CNTN4: variants seen among roughly 807,000 people sequenced by gnomAD.
CNTN4 encodes contactin 4, also known as contactin-4.
CNTN4 carries 77 observed loss-of-function variants against 122.5 expected under a neutral mutation model. The ratio of observed to expected loss-of-function variants is 0.63; its 90% CI spans 0.52 to 0.76. CNTN4 has a LOEUF of 0.76. Among genes scored for constraint, CNTN4 ranks in the 30% least tolerant of loss-of-function variants. CNTN4 has a pLI of 0.00. For missense variants in CNTN4, 1,256 were observed against 1,259.1 expected (o/e 1.00, Z 0.04); for synonymous variants, 512 against 447.0 (o/e 1.15, Z -1.83).
rs908045658 is a variant in CNTN4, at chr3:2,717,626, A to C, written c.56-18589A>C. Among the ~76,000 whole-genome samples the C allele has an allele frequency of 3.9e-5, 6 of 152,192 alleles. 1 individual carries two copies. Among genetic ancestry groups the C allele is most frequent in the Non-Finnish European group, 8.8e-5 (6 of 68,034 alleles). On this transcript the variant is annotated intron_variant, in intron 4 of 24. Coordinates refer to ENST00000418658, the MANE Select transcript of CNTN4 (RefSeq NM_175607.3). ...GTCCTGTGAATCCTCCTAGTAAAAC[A>C]TCAAACCTGGGGTTGGTTTCGGGGA...
At chr3:2,204,514 A>G (rs2038248348) in intron 2 of CNTN4, among the ~76,000 whole-genome samples, 1 of 152,184 alleles carries the variant, frequency 6.6e-6, no homozygotes. Flanking sequence ...TTGGTTAAGC[A>G]AAGTAAAACT....
At chr3:2,309,458 A>G (rs1458279191) in intron 2 of CNTN4, among the ~76,000 whole-genome samples, 1 of 152,202 alleles carries the variant, frequency 6.6e-6, no homozygotes, top group Non-Finnish European at 1.5e-5. Context: ...TATATTTGCT[A>G]TAATTACAAA....
At chr3:2,440,930 A>T (rs1259638582) in intron 3 of CNTN4, among the ~76,000 whole-genome samples, 3 of 148,762 alleles carry the variant, frequency 2.0e-5, no homozygotes, top group Non-Finnish European at 4.5e-5. Flanking sequence ...ATATAAAAAG[A>T]TTATATATGT....
At chr3:2,707,465 T>A (rs961070315) in intron 4 of CNTN4, among the ~76,000 whole-genome samples, 14 of 152,314 alleles carry the variant, frequency 9.2e-5, no homozygotes, top group Non-Finnish European at 2.1e-4. Context: ...GATAGCTGCA[T>A]AAGAATTCTC....
intron 2 of CNTN4, among the ~76,000 whole-genome samples, chr3:2,156,683 G>A (rs942653663): frequency 6.6e-6 from 1 of 152,160 alleles, no homozygotes; most frequent in Non-Finnish European, 1.5e-5. Flanking sequence ...CAGAGAGAAG[G>A]CAAGTCATTT....
At chr3:2,596,263 C>G (rs73805346) in intron 4 of CNTN4, among the ~76,000 whole-genome samples, 2 of 152,082 alleles carry the variant, frequency 1.3e-5, no homozygotes, top group Admixed American at 6.6e-5. Context: ...TGAATCATAA[C>G]CTAATTCCTA....
intron 3 of CNTN4, among the ~76,000 whole-genome samples, chr3:2,365,094 T>C (rs2150579440): frequency 6.6e-6 from 1 of 151,654 alleles, no homozygotes; most frequent in South Asian, 2.1e-4. Context: ...TGTTCTTTGG[T>C]TTAATTTTTT....
At chr3:2,723,271 C>T (rs1001217955) in intron 4 of CNTN4, among the ~76,000 whole-genome samples, 2 of 152,126 alleles carry the variant, frequency 1.3e-5, no homozygotes, top group South Asian at 2.1e-4. Context: ...TCTTTGCAAA[C>T]CTTTGTTTAC....
intron 5 of CNTN4, among the ~76,000 whole-genome samples, chr3:2,740,984 C>G (rs558316397): frequency 1.3e-5 from 2 of 152,270 alleles, no homozygotes; most frequent in Admixed American, 6.5e-5. Flanking sequence ...TTAAAGATCA[C>G]CAGAGAAAGA....
chr3:2,820,213 T>A (rs1006989003), intron 7 of CNTN4, among the ~76,000 whole-genome samples: 2 of 152,194 alleles, frequency 1.3e-5, no homozygotes, highest in Non-Finnish European at 2.9e-5. Flanking sequence ...GGCTATAAAG[T>A]GGGACTCCCA....
At chr3:2,439,098 C>G (rs1179617216) in intron 3 of CNTN4, among the ~76,000 whole-genome samples, 1 of 152,134 alleles carries the variant, frequency 6.6e-6, no homozygotes, top group Non-Finnish European at 1.5e-5. Flanking sequence ...TTTAAGATGT[C>G]TGAAATTCAA....
intron 3 of CNTN4, among the ~76,000 whole-genome samples, chr3:2,417,513 A>G (rs1170391565): frequency 6.6e-6 from 1 of 152,206 alleles, no homozygotes; most frequent in Non-Finnish European, 1.5e-5. Context: ...CCTCATTTTA[A>G]TAACCTGCCA....
rs554285785 is a variant in CNTN4 at position 2,193,871 on chromosome 3, A to C, written c.-145+93232A>C. ...CACATGCTATACAGGTTTGCAGCCT[A>C]GGAGCAATATGCTATCCCATCTAGC... On this transcript the variant is annotated intron_variant, in intron 2 of 24. Coordinates refer to ENST00000418658, the MANE Select transcript of CNTN4 (RefSeq NM_175607.3). 3.3e-5 allele frequency among the ~76,000 whole-genome samples: 5 copies of C among 152,320 alleles called. No homozygotes were observed. In the East Asian group the frequency reaches 9.6e-4, roughly 29 times the overall value.
chr3:2,697,689 G>C (rs1370514677), intron 4 of CNTN4, among the ~76,000 whole-genome samples: 2 of 152,080 alleles, frequency 1.3e-5, no homozygotes, highest in Non-Finnish European at 2.9e-5. Flanking sequence ...ATTCAGAGAA[G>C]CAACCGATAC....
At chr3:2,576,222 G>A (rs1559258442) in intron 4 of CNTN4, among the ~76,000 whole-genome samples, 1 of 152,154 alleles carries the variant, frequency 6.6e-6, no homozygotes, top group African/African-American at 2.4e-5. Context: ...GTTCACTGCT[G>A]TATTCCCAGC....
At chr3:2,759,298 G>A (rs763537432) in intron 6 of CNTN4, among the ~76,000 whole-genome samples, 3 of 152,038 alleles carry the variant, frequency 2.0e-5, no homozygotes, top group Non-Finnish European at 2.9e-5. Context: ...TGGGATTACA[G>A]GTGCCTGCCA....
At chr3:2,837,865 AT>A (rs2093263216) in intron 7 of CNTN4, among the ~76,000 whole-genome samples, 1 of 152,148 alleles carries the variant, frequency 6.6e-6, no homozygotes, top group Admixed American at 6.5e-5. Context: ...ACCATACCAA[AT>A]TTGCTTCCCA....
At chr3:2,741,021 C>T (rs183777840) in intron 5 of CNTN4, among the ~76,000 whole-genome samples, 1 of 152,296 alleles carries the variant, frequency 6.6e-6, no homozygotes, top group Non-Finnish European at 1.5e-5. Flanking sequence ...ATCCAAGATT[C>T]AGCCTTTGCA....
chr3:2,325,970 T>C (rs1054012585), intron 2 of CNTN4, among the ~76,000 whole-genome samples: 2 of 152,332 alleles, frequency 1.3e-5, no homozygotes, highest in South Asian at 4.1e-4. Flanking sequence ...GTGAAAAGAA[T>C]AAATATTTCT....
Sources: gnomAD v4.1 joint callset for allele counts (sites outside exome capture counted in the v4.1 genomes callset) on GRCh38, gnomAD v4.1.1 for gene constraint, MANE v1.5 for transcripts, NCBI Gene and HGNC (gene_info 2026-07-23, HGNC 2026-07-21) for gene names.